Variants in SGCD observed in about 807,000 individuals in gnomAD.
The protein encoded by SGCD is delta-sarcoglycan.
SGCD carries 18 observed loss-of-function variants against 36.6 expected under a neutral mutation model. The observed-to-expected ratio is 0.49, with a 90% CI of 0.34 to 0.73. The LOEUF (loss-of-function observed/expected upper bound fraction) is 0.73, where lower values mean the gene tolerates loss of function less well. Among genes scored for constraint, SGCD ranks in the 30% least tolerant of loss-of-function variants. SGCD has a pLI of 0.01. For synonymous variants in SGCD, 133 were observed against 130.6 expected (o/e 1.02, Z -0.12); for missense variants, 387 against 346.7 (o/e 1.12, Z -0.92).
At chr5:156,428,969 AGAGAATATTCCACATGCTGAT>A (rs1293699529) in intron 3 of SGCD, among the ~76,000 whole-genome samples, 1 of 152,038 alleles carries the variant, frequency 6.6e-6, no homozygotes, top group Non-Finnish European at 1.5e-5. Flanking sequence ...GGTCTATCTT[AGAGAATATTCCACATGCTGAT>A]GAGAATAATG....
intron 8 of SGCD, among the ~76,000 whole-genome samples, chr5:156,758,969 G>C (rs1009384564): frequency 6.6e-6 from 1 of 152,110 alleles, no homozygotes; most frequent in African/African-American, 2.4e-5. Context: ...TTTACATTCT[G>C]TATGACATTT....
chr5:156,734,227 AG>A (rs917133098), intron 7 of SGCD, among the ~76,000 whole-genome samples: 1 of 152,066 alleles, frequency 6.6e-6, no homozygotes, highest in African/African-American at 2.4e-5. Flanking sequence ...TCTGGCTCAT[AG>A]GGTTTCTGCT....
chr5:156,512,481 C>G (rs976501250), intron 4 of SGCD, among the ~76,000 whole-genome samples: 1 of 152,122 alleles, frequency 6.6e-6, no homozygotes, highest in Admixed American at 6.6e-5. Flanking sequence ...GTAGAGTACA[C>G]CATCTAGGTT....
At chr5:156,606,179 G>A (rs1294472088) in intron 6 of SGCD, among the ~76,000 whole-genome samples, 1 of 152,160 alleles carries the variant, frequency 6.6e-6, no homozygotes, top group Non-Finnish European at 1.5e-5. Flanking sequence ...ATGGTTTTAG[G>A]TCTAACATTT....
chr5:156,497,336 C>G (rs1446203645), intron 3 of SGCD, among the ~76,000 whole-genome samples: 2 of 152,040 alleles, frequency 1.3e-5, no homozygotes, highest in African/African-American at 4.8e-5. Context: ...GAAAATTATA[C>G]TTATTCCCTC....
chr5:156,135,280 G>A (rs145356533), intron 3 of SGCD, among the ~76,000 whole-genome samples: 1 of 151,896 alleles, frequency 6.6e-6, no homozygotes, highest in African/African-American at 2.4e-5. Flanking sequence ...TATTTTATAT[G>A]TCTTGTATTC....
At chr5:156,677,007 A>G (rs1393329143) in intron 7 of SGCD, among the ~76,000 whole-genome samples, 3 of 152,122 alleles carry the variant, frequency 2.0e-5, no homozygotes, top group Non-Finnish European at 4.4e-5. Context: ...CCATCAGTCT[A>G]TTTCCTTTGT....
chr5:156,293,044 T>C (rs1766800607), intron 3 of SGCD, among the ~76,000 whole-genome samples: 1 of 152,032 alleles, frequency 6.6e-6, no homozygotes, highest in South Asian at 2.1e-4. Flanking sequence ...TTCCTCCCAT[T>C]CTGAGGGTTG....
At chr5:156,003,334 A>T (rs181462222) in intron 1 of SGCD, among the ~76,000 whole-genome samples, 10 of 152,250 alleles carry the variant, frequency 6.6e-5, no homozygotes, top group Admixed American at 6.5e-4. Context: ...GATAAAAGCT[A>T]GATAGGTGTT....
At chr5:156,255,037 C>A (rs778714265) in intron 3 of SGCD, among the ~76,000 whole-genome samples, 41 of 152,184 alleles carry the variant, frequency 2.7e-4, no homozygotes, top group South Asian at 6.2e-4. Flanking sequence ...TTGTTTCTTG[C>A]ATAAAATTAT....
chr5:156,519,007 A>G (rs1415025289), intron 4 of SGCD, among the ~76,000 whole-genome samples: 1 of 152,182 alleles, frequency 6.6e-6, no homozygotes, highest in Non-Finnish European at 1.5e-5. Context: ...ATCAGGGCAG[A>G]ACTGAAGGAG....
chr5:156,025,586 A>C (rs1431877228), intron 1 of SGCD, among the ~76,000 whole-genome samples: 1 of 152,190 alleles, frequency 6.6e-6, no homozygotes, highest in African/African-American at 2.4e-5. Context: ...ATCTTAGAGC[A>C]CTACTATTCT....
chr5:155,968,907 T>A (rs1181565334), intron 1 of SGCD, among the ~76,000 whole-genome samples: 2 of 152,164 alleles, frequency 1.3e-5, no homozygotes, highest in Non-Finnish European at 2.9e-5. Flanking sequence ...GTTTTGTGAT[T>A]GTTTTAATTA....
At chr5:155,754,961 G>A in the SGCD span, among the ~76,000 whole-genome samples, 1 of 152,166 alleles carries the variant, frequency 6.6e-6, no homozygotes, top group East Asian at 1.9e-4. Flanking sequence ...ATGAAAGCCA[G>A]AGAGGACCCA....
intron 6 of SGCD, among the ~76,000 whole-genome samples, chr5:156,633,911 A>G (rs1762728677): frequency 6.6e-6 from 1 of 152,132 alleles, no homozygotes; most frequent in Admixed American, 6.5e-5. Context: ...CACCACAGAG[A>G]GGGCACAGAA....
At chr5:156,017,706 G>A (rs1378527831) in intron 1 of SGCD, among the ~76,000 whole-genome samples, 2 of 151,878 alleles carry the variant, frequency 1.3e-5, no homozygotes, top group Admixed American at 6.6e-5. Context: ...TTTCAAAAAT[G>A]GAAATGTTTT....
At chr5:155,933,556 G>A (rs1199296761) in intron 1 of SGCD, among the ~76,000 whole-genome samples, 2 of 152,202 alleles carry the variant, frequency 1.3e-5, no homozygotes, top group Non-Finnish European at 2.9e-5. Flanking sequence ...ATAAATGAGT[G>A]AATGAATCTC....
chr5:155,980,245 G>A (rs181845029), intron 1 of SGCD, among the ~76,000 whole-genome samples: 1 of 152,232 alleles, frequency 6.6e-6, no homozygotes, highest in African/African-American at 2.4e-5. Context: ...CTAAGACAGA[G>A]TGTCTGTGAC....
At chr5:156,511,345 G>A (rs1756916787) in intron 4 of SGCD, among the ~76,000 whole-genome samples, 2 of 152,136 alleles carry the variant, frequency 1.3e-5, no homozygotes, top group Non-Finnish European at 2.9e-5. Context: ...CACACCTTAG[G>A]TCAAGCCACT....
Sources: allele counts gnomAD v4.1 joint callset (sites outside exome capture counted in the v4.1 genomes callset), GRCh38; gene constraint gnomAD v4.1.1; transcripts MANE v1.5; gene names NCBI Gene and HGNC (gene_info 2026-07-23, HGNC 2026-07-21).